LATS2: variants seen among roughly 807,000 people sequenced by gnomAD.
LATS2 encodes large tumor suppressor kinase 2, also known as serine/threonine-protein kinase LATS2.
LATS2 carries 24 observed loss-of-function variants against 76.0 expected under a neutral mutation model. The ratio of observed to expected loss-of-function variants is 0.32; its 90% CI spans 0.23 to 0.44. The LOEUF (loss-of-function observed/expected upper bound fraction) is 0.44, where lower values mean the gene tolerates loss of function less well. Among genes scored for constraint, LATS2 ranks in the 20% least tolerant of loss-of-function variants. LATS2 has a pLI of 1.00. For missense variants in LATS2, 1,286 were observed against 1,481.2 expected, an observed-to-expected ratio of 0.87 and a Z score of 2.16; for synonymous variants, 692 against 635.4, an observed-to-expected ratio of 1.09 and a Z score of -1.34.
intron 2 of LATS2, among the ~76,000 whole-genome samples, chr13:21,034,930 C>T (rs1872646069): frequency 6.6e-6 from 1 of 152,184 alleles, no homozygotes; most frequent in Non-Finnish European, 1.5e-5. Flanking sequence ...TACACTACTA[C>T]AAAATATATC....
Position 20,975,190 on chromosome 13 carries a change from G to C in LATS2, c.2947C>G (p.Arg983Gly). The C allele has an allele frequency of 6.2e-7, 1 of 1,614,180 alleles. No individual in the cohort carries two copies. Among genetic ancestry groups the C allele is most frequent in the Non-Finnish European group, 8.5e-7 (1 of 1,180,016 alleles). Residue 983 changes from arginine (R) to glycine (G), a missense_variant, in exon 8 of 8, where the codon CGG becomes GGG. Arg to Gly is a moderately radical substitution (Grantham distance 125). This residue lies in a region of LATS2 where 210 missense variants were observed against 234.9 expected (regional missense o/e 0.89). Transcript: ENST00000382592. ...FSAIDFSSDI[R>G]KQPAPYVPTI... ...GGAACGTAGGGGGCTGGCTGCTTCC[G>C]GATGTCACTGGAGAAGTCAATGGCG...
At chr13:21,030,603 A>AG (rs1555226874) in intron 2 of LATS2, among the ~76,000 whole-genome samples, 1 of 70,674 alleles carries the variant, frequency 1.4e-5, no homozygotes, top group Admixed American at 1.5e-4. Flanking sequence ...AAAAAAAAAA[A>AG]AAAAAAAAGA....
At chr13:20,982,337 G>A (rs991724852) in intron 5 of LATS2, among the ~76,000 whole-genome samples, 3 of 152,190 alleles carry the variant, frequency 2.0e-5, no homozygotes, top group African/African-American at 7.2e-5. Context: ...TTGAGACAGA[G>A]TTTCGCTCTT....
At chr13:21,023,484 C>T (rs1172956132) in intron 2 of LATS2, among the ~76,000 whole-genome samples, 29 of 151,668 alleles carry the variant, frequency 1.9e-4, no homozygotes, top group African/African-American at 7.0e-4. Flanking sequence ...CCCTGCACTT[C>T]CCGTCCTTGG....
chr13:21,037,067 T>C (rs1424978366), intron 2 of LATS2, among the ~76,000 whole-genome samples: 8 of 152,198 alleles, frequency 5.3e-5, no homozygotes, highest in Non-Finnish European at 1.0e-4. Flanking sequence ...CAATAAATTA[T>C]GGGACATCTA....
intron 2 of LATS2, among the ~76,000 whole-genome samples, chr13:21,009,417 A>T (rs1871485547): frequency 6.6e-6 from 1 of 152,170 alleles, no homozygotes; most frequent in Admixed American, 6.5e-5. Flanking sequence ...TTGCTGCTGG[A>T]TCATTGGTCC....
intron 2 of LATS2, among the ~76,000 whole-genome samples, chr13:21,043,396 T>C (rs1190074137): frequency 6.6e-6 from 1 of 152,184 alleles, no homozygotes; most frequent in Non-Finnish European, 1.5e-5. Flanking sequence ...AACTGATGCA[T>C]ACAACTCTAA....
chr13:21,058,818 A>C (rs1398192413), intron 1 of LATS2, among the ~76,000 whole-genome samples: 1 of 152,240 alleles, frequency 6.6e-6, no homozygotes, highest in Non-Finnish European at 1.5e-5. Flanking sequence ...CTATACCTGC[A>C]TGAGACAAAA....
At position 21,007,544 on chromosome 13, in the gene LATS2, A is replaced by AGT. The variant is rs1439942731; in HGVS notation, c.343-16142_343-16141dup. Reference sequence around the variant, plus strand: ...TCGTAGGGGATGGATATATATATATAGTATATATATATATATATATATATA... The same window carrying AGT: ...TCGTAGGGGATGGATATATATATATAGTGTATATATATATATATATATATATA... On this transcript the variant is annotated intron_variant, in intron 2 of 7. Transcript: ENST00000382592. Among the ~76,000 whole-genome samples the AGT allele has an allele frequency of 5.1e-3, 37 of 7,320 alleles. 5 individuals are homozygous for AGT. Among genetic ancestry groups the AGT allele is most frequent in the East Asian group, 0.032 (2 of 62 alleles). 4.8% of individuals were successfully genotyped at this position (7,320 alleles called of 152,430 possible).
intron 3 of LATS2, among the ~76,000 whole-genome samples, chr13:20,990,131 C>T (rs1350469838): frequency 6.6e-6 from 1 of 152,222 alleles, no homozygotes; most frequent in East Asian, 1.9e-4. Context: ...ACAAAGGTCA[C>T]AGGCACACCA....
rs761126356 is a variant in LATS2 at position 20,983,682 on chromosome 13, C to G, written c.2024G>C (p.Gly675Ala). Residue 675 changes from glycine (G) to alanine (A), a missense_variant, in exon 5 of 8, where the codon GGG becomes GCG. Transcript: ENST00000382592. ...KSMFVKIKTL[G>A]IGAFGEVCLA... ...GCACACTTCTCCAAAGGCACCGATC[C>G]CCAGGGTTTTGATCTTGACAAACAT... 6.2e-7 allele frequency: 1 copy of G among 1,614,104 alleles called. No individual in the cohort carries two copies. The highest frequency in any genetic ancestry group is 1.1e-5 in the South Asian group (1 of 91,076).
intron 2 of LATS2, among the ~76,000 whole-genome samples, chr13:21,042,619 C>T (rs1872914297): frequency 6.6e-6 from 1 of 151,488 alleles, no homozygotes; most frequent in Non-Finnish European, 1.5e-5. Context: ...CCTGGAAGGT[C>T]GAGGCTGCAG....
chr13:21,007,549 A>AG (rs1227097101), intron 2 of LATS2, among the ~76,000 whole-genome samples: 1 of 6,042 alleles, frequency 1.7e-4, no homozygotes, highest in African/African-American at 1.4e-3. Flanking sequence ...TATATAGTAT[A>AG]TATATATATA....
intron 3 of LATS2, among the ~76,000 whole-genome samples, chr13:20,989,701 T>C (rs1870424675): frequency 6.6e-6 from 1 of 152,180 alleles, no homozygotes; most frequent in Admixed American, 6.5e-5. Flanking sequence ...GGGGCTGAGT[T>C]TACCGACACA....
intron 2 of LATS2, among the ~76,000 whole-genome samples, chr13:21,032,919 G>T (rs7990360): frequency 0.57 from 85,868 of 151,876 alleles, 27,883 homozygotes; most frequent in Non-Finnish European, 0.73. Context: ...CCTGGTGGCA[G>T]GGGAGGTGCA....
intron 2 of LATS2, among the ~76,000 whole-genome samples, chr13:21,008,527 A>C (rs1056400639): frequency 6.6e-6 from 1 of 152,184 alleles, no homozygotes. Flanking sequence ...ATGAACATTT[A>C]TGAACATTTC....
intron 4 of LATS2, among the ~76,000 whole-genome samples, chr13:20,986,190 T>C (rs575100185): frequency 1.3e-5 from 2 of 152,238 alleles, no homozygotes; most frequent in East Asian, 3.9e-4. Context: ...CTCTCCCCAG[T>C]TAGAACGACT....
intron 2 of LATS2, among the ~76,000 whole-genome samples, chr13:21,037,753 C>T (rs534646060): frequency 2.0e-5 from 3 of 152,258 alleles, no homozygotes; most frequent in East Asian, 1.9e-4. Context: ...GGCCTGGTCC[C>T]GCAGCAGGGC....
At chr13:21,053,155 A>AACCC (rs1873333931) in intron 1 of LATS2, among the ~76,000 whole-genome samples, 1 of 149,814 alleles carries the variant, frequency 6.7e-6, no homozygotes, top group South Asian at 2.1e-4. Flanking sequence ...GAATCGCTTG[A>AACCC]ACCCGGGAGG....
Sources: gnomAD v4.1 joint callset for allele counts (sites outside exome capture counted in the v4.1 genomes callset) on GRCh38, gnomAD v4.1.1 for gene constraint, gnomAD v4.1.1 regional missense constraint, MANE v1.5 for transcripts, NCBI Gene and HGNC (gene_info 2026-07-23, HGNC 2026-07-21) for gene names.